Variants in POLM observed in about 807,000 individuals in gnomAD.
POLM encodes the protein DNA-directed DNA/RNA polymerase mu.
Under a neutral mutation model 56.7 loss-of-function variants are expected in POLM, and 52 were observed. The observed-to-expected ratio is 0.92, with a 90% CI of 0.73 to 1.15. POLM has a LOEUF of 1.15. POLM is among the 50% of genes most tolerant of loss of function. POLM has a pLI of 0.00. For synonymous variants in POLM, 273 were observed against 274.3 expected (o/e 1.00, Z 0.05); for missense variants, 660 against 663.6 (o/e 0.99, Z 0.06).
At position 44,073,024 on chromosome 7, in the gene POLM, G is replaced by T; in HGVS notation, c.*267C>A. 7.9e-7 allele frequency: 1 copy of T among 1,269,152 alleles called. No individual in the cohort carries two copies. Among genetic ancestry groups the T allele is most frequent in the South Asian group, 1.6e-5 (1 of 61,140 alleles). 78.6% of individuals were successfully genotyped at this position (1,269,152 alleles called of 1,614,324 possible). A position where few individuals can be genotyped will look rare whatever the true frequency, so the allele number is the denominator to read the frequency against. On this transcript the variant is annotated 3_prime_UTR_variant, in exon 11 of 11. Transcript: ENST00000242248. ...CCCACTCACATCCCATCCAGGGCAG[G>T]AACGTGAGCCATGGGGAGGCTAAGA... is the stretch of plus-strand genomic sequence containing the variant.
intron 1 of POLM, among the ~76,000 whole-genome samples, chr7:44,081,187 A>G (rs556107273): frequency 6.6e-6 from 1 of 152,160 alleles, no homozygotes; most frequent in African/African-American, 2.4e-5. Context: ...CCTCAAAGAA[A>G]GGAATTCCTT....
intron 5 of POLM, chr7:44,076,835 C>T: frequency 1.7e-6 from 1 of 585,158 alleles, no homozygotes; most frequent in Middle Eastern, 4.6e-4. Context: ...AACCCACGCA[C>T]ACCCCTCTCC....
In POLM at chr7:44,073,590, G is replaced by A. The variant is rs369175309; in HGVS notation, c.1398+35C>T. ...TTGTGGGTCAGGGAGCGGACTATGG[G>A]TGCTGTTTGCTGTCCCCAGTCCCCA... is the stretch of plus-strand genomic sequence containing the variant. On this transcript the variant is annotated intron_variant, in intron 10 of 10. Coordinates refer to ENST00000242248, the MANE Select transcript of POLM (RefSeq NM_013284.4). The A allele has an allele frequency of 1.2e-4, 196 of 1,610,444 alleles. 1 individual carries two copies. In the African/African-American group the frequency reaches 2.3e-3, roughly 19 times the overall value.
Position 44,073,048 on chromosome 7 carries a change from G to C in POLM, c.*243C>G. ...GGAACGTGAGCCATGGGGAGGCTAAGAGCAGACCCAGGGTCACACAGTGAT... is the reference window on the plus strand; with the variant it reads ...GGAACGTGAGCCATGGGGAGGCTAACAGCAGACCCAGGGTCACACAGTGAT... On this transcript the variant is annotated 3_prime_UTR_variant, in exon 11 of 11. Transcript: ENST00000242248. 1 of 1,406,072 alleles carries C rather than the reference G, an allele frequency of 7.1e-7. No homozygotes were observed. Among genetic ancestry groups the C allele is most frequent in the Non-Finnish European group, 9.3e-7 (1 of 1,072,874 alleles). The allele number at this position is 1,406,072 out of a possible 1,614,324, so 87.1% of individuals were successfully genotyped here.
In POLM at chr7:44,082,233, C is replaced by A; in HGVS notation, c.188+18G>T. ...AGAAGTGCCATGGAAGCCCTCGCCG[C>A]GCCGCGCCGCCCCGCACCTGCAGGC... On this transcript the variant is annotated intron_variant, in intron 1 of 10. Transcript: ENST00000242248. 7.0e-7 allele frequency: 1 copy of A among 1,432,042 alleles called. No individual in the cohort carries two copies. Among genetic ancestry groups the A allele is most frequent in the South Asian group, 1.4e-5 (1 of 70,468 alleles). The allele number at this position is 1,432,042 out of a possible 1,614,324, so 88.7% of individuals were successfully genotyped here.
chr7:44,075,967 G>A (rs1405772454), intron 6 of POLM: 1 of 153,376 alleles, frequency 6.5e-6, no homozygotes, highest in Non-Finnish European at 1.5e-5. Flanking sequence ...TTGAACTGCT[G>A]AGCTCAAGCG....
rs2096198054 is a variant in POLM, at chr7:44,080,914, G to T, written c.191C>A (p.Ser64Tyr). 1 of 1,560,862 alleles carries T rather than the reference G, an allele frequency of 6.4e-7. No homozygotes were observed. Among genetic ancestry groups the T allele is most frequent in the Non-Finnish European group, 8.7e-7 (1 of 1,154,068 alleles). ...KGFRVLDACS[S>Y]EATHVVMEET... is the part of the protein sequence containing the mutation. ...TTCCATCACAACATGTGTCGCTTCG[G>T]AGCTGGTGGAGGGAGTTGGGAGAGA... The change falls in exon 2 of 11, where the codon TCC becomes TAC. Residue 64 changes from serine (S) to tyrosine (Y), a missense_variant and splice_region_variant. Physicochemically the swap from Ser to Tyr is moderately radical, Grantham distance 144. Coordinates refer to ENST00000242248, the MANE Select transcript of POLM (RefSeq NM_013284.4).
In POLM at chr7:44,073,777, G is replaced by A. The variant is rs1366019426; in HGVS notation, c.1314+6C>T. On this transcript the variant is annotated splice_donor_region_variant and intron_variant, in intron 9 of 10. Transcript: ENST00000242248. ...CCCCCAGGCGGCCCAGCGGCACACT[G>A]CCTACCTTGGAGCCAGTCCAACCGA... 1 of 1,613,884 alleles carries A rather than the reference G, an allele frequency of 6.2e-7. No individual in the cohort carries two copies. The highest frequency in any genetic ancestry group is 8.5e-7 in the Non-Finnish European group (1 of 1,179,922).
At position 44,082,422 on chromosome 7, in the gene POLM, C is replaced by T. The variant is rs781373327; in HGVS notation, c.17G>A (p.Arg6Gln). The change falls in exon 1 of 11, where the codon CGG becomes CAG. Residue 6 changes from arginine (R) to glutamine (Q), a missense_variant. Physicochemically the swap from Arg to Gln is conservative, Grantham distance 43 (BLOSUM62 1). Coordinates refer to ENST00000242248, the MANE Select transcript of POLM (RefSeq NM_013284.4). MLPKR[R>Q]RARVGSPSGD... ...GCTAGGGGACCCGACCCGCGCTCGCCGCCGTTTGGGGAGCATTGGGACGAC... is the reference window on the plus strand; with the variant it reads ...GCTAGGGGACCCGACCCGCGCTCGCTGCCGTTTGGGGAGCATTGGGACGAC... The T allele has an allele frequency of 3.8e-5, 56 of 1,457,664 alleles. No homozygotes were observed. Among genetic ancestry groups the T allele is most frequent in the Admixed American group, 6.2e-5 (2 of 32,104 alleles). The allele number at this position is 1,457,664 out of a possible 1,614,324, so 90.3% of individuals were successfully genotyped here.
At chr7:44,081,065 C>T in intron 1 of POLM, 149 bp from the exon 2 acceptor site, 1 of 630,794 alleles carries the variant, frequency 1.6e-6, no homozygotes, top group Non-Finnish European at 2.7e-6. Context: ...CTTCCCAGCC[C>T]CTCCTCCTGG....
intron 5 of POLM, 39 bp from the exon 6 acceptor site, chr7:44,076,668 C>T: frequency 2.5e-6 from 4 of 1,609,958 alleles, no homozygotes; most frequent in Non-Finnish European, 3.4e-6. Flanking sequence ...GCAGAGCTCT[C>T]ATGGCTAGAC....
chr7:44,074,636 AC>A, intron 6 of POLM, 106 bp from the exon 7 acceptor site: 1 of 1,321,654 alleles, frequency 7.6e-7, no homozygotes, highest in Non-Finnish European at 1.0e-6. Context: ...TCATTGCAGG[AC>A]CAGGAGAGGC....
rs374501695 is a variant in POLM, at chr7:44,073,332, G to T, written c.1444C>A (p.Leu482Met). 67 of 1,614,080 alleles carry T rather than the reference G, an allele frequency of 4.2e-5. No individual in the cohort carries two copies. The highest frequency in any genetic ancestry group is 5.3e-5 in the Non-Finnish European group (63 of 1,180,022). Residue 482 changes from leucine (L) to methionine (M), a missense_variant, in exon 11 of 11, where the codon CTG becomes ATG. Physicochemically the swap from Leu to Met is conservative, Grantham distance 15. Coordinates refer to ENST00000242248, the MANE Select transcript of POLM (RefSeq NM_013284.4). ...AASEEDIFRH[L>M]GLEYLPPEQR... is the part of the protein sequence containing the mutation. ...TCTGGAGGAAGGTACTCAAGGCCCA[G>T]GTGTCTGAAGATGTCTTCCTCTGAA...
chr7:44,081,091 A>C (rs2096198562), intron 1 of POLM, among the ~76,000 whole-genome samples, 175 bp from the exon 2 acceptor site: 1 of 152,118 alleles, frequency 6.6e-6, no homozygotes. Context: ...GAACACCTCC[A>C]CCACTCAGCC....
intron 6 of POLM, 150 bp from the exon 7 acceptor site, chr7:44,074,680 G>T: frequency 1.3e-6 from 1 of 798,204 alleles, no homozygotes. Context: ...GCAGGGAGCA[G>T]AGTGAGATCC....
At chr7:44,079,827 C>T (rs1351239962) in intron 3 of POLM, 34 bp downstream of exon 3, 1 of 1,611,740 alleles carries the variant, frequency 6.2e-7, no homozygotes, top group Non-Finnish European at 8.5e-7. Flanking sequence ...TCCCCAACCC[C>T]CAGGGCTGGC....
Position 44,080,813 on chromosome 7 carries a change from C to A in POLM, c.292G>T (p.Ala98Ser), listed in dbSNP as rs746627407. Reference sequence around the variant, plus strand: ...GTTAACCAGCTTATGTCCAGCAGAGCTGGGGGGGTGCAACCCGGGGGAGCA... The same window carrying A: ...GTTAACCAGCTTATGTCCAGCAGAGATGGGGGGGTGCAACCCGGGGGAGCA... Reference protein sequence around the residue: ...AAAPPGCTPPALLDISWLTES... With the variant: ...AAAPPGCTPPSLLDISWLTES... Residue 98 changes from alanine (A) to serine (S), a missense_variant, in exon 2 of 11, where the codon GCT becomes TCT. Coordinates refer to ENST00000242248, the MANE Select transcript of POLM (RefSeq NM_013284.4). 7 of 1,613,754 alleles carry A rather than the reference C, an allele frequency of 4.3e-6. No individual in the cohort carries two copies. Among genetic ancestry groups the A allele is most frequent in the Middle Eastern group, 3.3e-4 (2 of 6,058 alleles).
chr7:44,079,545 A>AAC, intron 4 of POLM, 26 bp downstream of exon 4: 1 of 1,570,038 alleles, frequency 6.4e-7, no homozygotes, highest in Non-Finnish European at 8.7e-7. Flanking sequence ...CCACCCACTC[A>AAC]CCCTGCTAGG....
rs751077271 is a variant in POLM at position 44,073,222 on chromosome 7, T to C, written c.*69A>G. The C allele has an allele frequency of 1.2e-6, 2 of 1,613,220 alleles. No individual in the cohort carries two copies. Among genetic ancestry groups the C allele is most frequent in the African/African-American group, 2.7e-5 (2 of 74,912 alleles). ...GGGGTCAGGGGGCAGCATATCTGCCTGGAGACATTCAGTGGCCAGGTTGGG... is the reference window on the plus strand; with the variant it reads ...GGGGTCAGGGGGCAGCATATCTGCCCGGAGACATTCAGTGGCCAGGTTGGG... On this transcript the variant is annotated 3_prime_UTR_variant, in exon 11 of 11. Coordinates refer to ENST00000242248, the MANE Select transcript of POLM (RefSeq NM_013284.4).
Sources: gnomAD v4.1 joint callset for allele counts (sites outside exome capture counted in the v4.1 genomes callset) on GRCh38, gnomAD v4.1.1 for gene constraint, MANE v1.5 for transcripts, NCBI Gene and HGNC (gene_info 2026-07-23, HGNC 2026-07-21) for gene names.